Variants in MARCHF7 observed in about 807,000 individuals in gnomAD.
MARCHF7 encodes the protein E3 ubiquitin-protein ligase MARCHF7.
In MARCHF7, 20 loss-of-function variants were observed where a neutral mutation model predicts 76.5. That is an observed-to-expected ratio of 0.26 (90% CI 0.18 to 0.38). The LOEUF (loss-of-function observed/expected upper bound fraction) is 0.38, where lower values mean the gene tolerates loss of function less well. Ranked by LOEUF, MARCHF7 falls within the 10% of genes least tolerant of loss-of-function variation. The pLI is 1.00. For missense variants in MARCHF7, 797 were observed against 812.9 expected, an observed-to-expected ratio of 0.98 and a Z score of 0.24; for synonymous variants, 295 against 293.0, an observed-to-expected ratio of 1.01 and a Z score of -0.07.
intron 3 of MARCHF7, among the ~76,000 whole-genome samples, chr2:159,728,673 A>G (rs1170297735): frequency 6.6e-6 from 1 of 152,228 alleles, no homozygotes; most frequent in Non-Finnish European, 1.5e-5. Flanking sequence ...AACACTAAAA[A>G]TAGAGAATAC....
intron 4 of MARCHF7, chr2:159,734,087 G>T: frequency 7.5e-7 from 1 of 1,330,428 alleles, no homozygotes. Context: ...GTAACAGTAA[G>T]CAAAATTTAC....
chr2:159,728,533 A>T (rs13385595), intron 3 of MARCHF7, among the ~76,000 whole-genome samples: 1 of 152,260 alleles, frequency 6.6e-6, no homozygotes, highest in Admixed American at 6.5e-5. Flanking sequence ...CAGAGAAGAA[A>T]GGTACTTGTG....
chr2:159,747,469 A>G (rs570719930), intron 6 of MARCHF7, among the ~76,000 whole-genome samples: 3 of 152,276 alleles, frequency 2.0e-5, no homozygotes, highest in Admixed American at 2.0e-4. Context: ...AATCGTCTCA[A>G]TTTAAATACT....
At chr2:159,760,211 TGA>T (rs1706864131) in intron 9 of MARCHF7, among the ~76,000 whole-genome samples, 1 of 152,212 alleles carries the variant, frequency 6.6e-6, no homozygotes, top group Admixed American at 6.5e-5. Flanking sequence ...CATTAATATA[TGA>T]TATTTTCTGA....
intron 10 of MARCHF7, 30 bp downstream of exon 10, chr2:159,763,023 G>A (rs958960401): frequency 6.9e-7 from 1 of 1,451,086 alleles, no homozygotes; most frequent in African/African-American, 1.4e-5. Context: ...GGGAGAGGGA[G>A]GGTATGATGC....
chr2:159,745,913 A>C lies in MARCHF7; in HGVS notation c.490A>C (p.Ser164Arg). Residue 164 changes from serine to arginine, a missense_variant, in exon 6 of 12, where the codon AGT becomes CGT. This residue lies in a region of MARCHF7 where 643 missense variants were observed against 631.5 expected (regional missense o/e 1.02). Coordinates refer to ENST00000409175, the MANE Select transcript of MARCHF7 (RefSeq NM_001282805.2). The part of the protein sequence containing the change: ...ISNLMDYSHR[S>R]GDFTTSSYVQ... ...TAATCTTATGGATTATAGTCACCGA[A>C]GTGGTGATTTCACAACTTCATCATG... The C allele has an allele frequency of 6.2e-7, 1 of 1,610,248 alleles. No homozygotes were observed. The highest frequency in any genetic ancestry group is 1.1e-5 in the South Asian group (1 of 90,028).
At chr2:159,767,041 T>A (rs192913637) in intron 11 of MARCHF7, among the ~76,000 whole-genome samples, 200 of 152,300 alleles carry the variant, frequency 1.3e-3, no homozygotes, top group African/African-American at 4.6e-3. Flanking sequence ...TTTTAAGCAC[T>A]TTCATTTTTA....
chr2:159,743,971 G>GTT (rs1412931838), intron 5 of MARCHF7, among the ~76,000 whole-genome samples: 11 of 108,398 alleles, frequency 1.0e-4, no homozygotes, highest in Admixed American at 2.2e-4. Flanking sequence ...TTTAGTAGGA[G>GTT]TTCTTTTTTT....
intron 10 of MARCHF7, among the ~76,000 whole-genome samples, chr2:159,764,356 A>G (rs573868667): frequency 6.6e-6 from 1 of 151,880 alleles, no homozygotes; most frequent in South Asian, 2.1e-4. Flanking sequence ...TGAAGTGTTT[A>G]TAAGAAGACA....
intron 9 of MARCHF7, among the ~76,000 whole-genome samples, chr2:159,759,603 A>G (rs1706762869): frequency 6.6e-6 from 1 of 152,118 alleles, no homozygotes; most frequent in African/African-American, 2.4e-5. Context: ...GAGATGCATA[A>G]ATGATACAGT....
chr2:159,743,065 C>T lies in MARCHF7; in HGVS notation c.158C>T (p.Thr53Ile). 6.2e-7 allele frequency: 1 copy of T among 1,612,836 alleles called. No homozygotes were observed. The highest frequency in any genetic ancestry group is 8.5e-7 in the Non-Finnish European group (1 of 1,179,406). ...AAAATTTTTTTGAACTCACAGTCTA[C>T]ATCAGCATCAGCATCTGCGTCACCA... ...SFRLDSEYQS[T>I]SASASASPFQ... is the part of the protein sequence containing the mutation. The change falls in exon 5 of 12, where the codon ACA becomes ATA. Residue 53 changes from threonine to isoleucine, a missense_variant. Physicochemically the swap from Thr to Ile is moderately conservative, Grantham distance 89. Coordinates refer to ENST00000409175, the MANE Select transcript of MARCHF7 (RefSeq NM_001282805.2).
At chr2:159,743,450 TATCCTAA>T (rs1704390557) in intron 5 of MARCHF7, among the ~76,000 whole-genome samples, 197 bp downstream of exon 5, 3 of 152,220 alleles carry the variant, frequency 2.0e-5, no homozygotes, top group Admixed American at 2.0e-4. Flanking sequence ...TTGATATAGA[TATCCTAA>T]ACAGGACATT....
chr2:159,741,240 G>A (rs149680669), intron 4 of MARCHF7, among the ~76,000 whole-genome samples: 1 of 152,158 alleles, frequency 6.6e-6, no homozygotes, highest in African/African-American at 2.4e-5. Context: ...ATGATGATAT[G>A]TGCCTGTGGT....
At chr2:159,731,756 A>C (rs1287929638) in intron 4 of MARCHF7, among the ~76,000 whole-genome samples, 1 of 151,464 alleles carries the variant, frequency 6.6e-6, no homozygotes. Context: ...CTCCGTCTCA[A>C]AAAAAAAATT....
chr2:159,761,406 C>CTTTTTTTTTTTTTTTTTTTTTTTTT lies in MARCHF7; in HGVS notation c.1894-1473_1894-1449dup, dbSNP rs747902045. On this transcript the variant is annotated intron_variant, in intron 9 of 11. Transcript: ENST00000409175. ...ACAATAATTATTAAGTGAATCATTT[C>CTTTTTTTTTTTTTTTTTTTTTTTTT]TTTTTTTTTTTTTTTTTTTTTTTTT... Among the ~76,000 whole-genome samples, 2 of 73,778 alleles carry CTTTTTTTTTTTTTTTTTTTTTTTTT rather than the reference C, an allele frequency of 2.7e-5. 1 individual carries two copies. The highest frequency in any genetic ancestry group is 4.8e-5 in the Non-Finnish European group (2 of 42,074). The allele number at this position is 73,778 out of a possible 152,430, so 48.4% of individuals were successfully genotyped here.
intron 3 of MARCHF7, among the ~76,000 whole-genome samples, chr2:159,728,465 G>A (rs1311774730): frequency 1.3e-5 from 2 of 152,214 alleles, no homozygotes; most frequent in East Asian, 3.9e-4. Flanking sequence ...GAAATAGAAA[G>A]GTAAACAAAT....
intron 3 of MARCHF7, among the ~76,000 whole-genome samples, chr2:159,723,317 A>C (rs1270388942): frequency 6.6e-6 from 1 of 152,258 alleles, no homozygotes; most frequent in Non-Finnish European, 1.5e-5. Flanking sequence ...AGGTGACCAT[A>C]TGCTTTATCA....
Position 159,743,326 on chromosome 2 carries a change from A to G in MARCHF7, c.346+73A>G, listed in dbSNP as rs1176812399. ...TAACACAGTTGTTCTTAGTTTTGGA[A>G]TGAGGCAAGTAGATTTTATATGAAG... On this transcript the variant is annotated intron_variant, in intron 5 of 11. Coordinates refer to ENST00000409175, the MANE Select transcript of MARCHF7 (RefSeq NM_001282805.2). 14 of 1,388,594 alleles carry G rather than the reference A, an allele frequency of 1.0e-5. No individual in the cohort carries two copies. Among genetic ancestry groups the G allele is most frequent in the Non-Finnish European group, 1.3e-5 (13 of 1,010,246 alleles). 86.0% of individuals were successfully genotyped at this position (1,388,594 alleles called of 1,614,324 possible).
chr2:159,730,503 A>G (rs952720389), intron 4 of MARCHF7, among the ~76,000 whole-genome samples: 2 of 152,154 alleles, frequency 1.3e-5, no homozygotes, highest in African/African-American at 4.8e-5. Context: ...TCTACTACCC[A>G]TTTCTTAATT....
Sources: gnomAD v4.1 joint callset for allele counts (sites outside exome capture counted in the v4.1 genomes callset) on GRCh38, gnomAD v4.1.1 for gene constraint, gnomAD v4.1.1 regional missense constraint, MANE v1.5 for transcripts, NCBI Gene and HGNC (gene_info 2026-07-23, HGNC 2026-07-21) for gene names.